The following GRIN2B variants were observed in gnomAD, a reference collection of about 807,000 sequenced individuals.
GRIN2B encodes the protein glutamate receptor ionotropic, NMDA 2B.
A neutral mutation model predicts 114.5 loss-of-function variants in GRIN2B; 5 were observed. The ratio of observed to expected loss-of-function variants is 0.04; its 90% CI spans 0.02 to 0.09. The LOEUF (loss-of-function observed/expected upper bound fraction) is 0.09. Ranked by LOEUF, GRIN2B falls within the 10% of genes least tolerant of loss-of-function variation. The probability of loss-of-function intolerance (pLI) is 1.00; values close to 1 mark genes in which losing one functional copy is unlikely to be tolerated. For missense variants in GRIN2B, 1,108 were observed against 1,943.5 expected, an observed-to-expected ratio of 0.57 and a Z score of 8.08; for synonymous variants, 787 against 745.1, an observed-to-expected ratio of 1.06 and a Z score of -0.92.
At chr12:13,968,128 C>G (rs980353282) in intron 2 of GRIN2B, among the ~76,000 whole-genome samples, 1 of 152,226 alleles carries the variant, frequency 6.6e-6, no homozygotes, top group African/African-American at 2.4e-5. Context: ...GTCACAATGT[C>G]TAGGTGCCAC....
intron 4 of GRIN2B, among the ~76,000 whole-genome samples, chr12:13,691,326 T>C (rs1022974881): frequency 6.6e-6 from 1 of 152,186 alleles, no homozygotes; most frequent in Non-Finnish European, 1.5e-5. Context: ...GAGTTGAGGA[T>C]AGTTCAGAAA....
intron 10 of GRIN2B, among the ~76,000 whole-genome samples, chr12:13,575,516 G>A (rs1035265670): frequency 2.0e-5 from 3 of 152,034 alleles, no homozygotes; most frequent in South Asian, 2.1e-4. Context: ...AAAATTAGCC[G>A]TGCGTGGTGG....
intron 10 of GRIN2B, among the ~76,000 whole-genome samples, chr12:13,596,944 C>T (rs1049183408): frequency 6.6e-6 from 1 of 152,198 alleles, no homozygotes. Flanking sequence ...GCCAATGCCT[C>T]TAGAAGCATG....
intron 4 of GRIN2B, among the ~76,000 whole-genome samples, chr12:13,724,754 C>T (rs1862949553): frequency 6.6e-6 from 1 of 152,026 alleles, no homozygotes; most frequent in Non-Finnish European, 1.5e-5. Context: ...TCCACATTCA[C>T]TCTCCTACTC....
chr12:13,565,001 T>C (rs1031639034), intron 13 of GRIN2B, among the ~76,000 whole-genome samples: 4 of 152,218 alleles, frequency 2.6e-5, no homozygotes, highest in African/African-American at 9.7e-5. Flanking sequence ...GAGGCCATGA[T>C]ATCAACCCAT....
chr12:13,791,278 C>T (rs929488307), intron 3 of GRIN2B, among the ~76,000 whole-genome samples: 5 of 151,684 alleles, frequency 3.3e-5, no homozygotes, highest in Admixed American at 1.3e-4. Flanking sequence ...GGTGAAACCC[C>T]GTCTCTACTA....
chr12:13,856,086 T>C (rs57230554), intron 3 of GRIN2B, among the ~76,000 whole-genome samples: 3,196 of 152,028 alleles, frequency 0.021, 112 homozygotes, highest in African/African-American at 0.073. Context: ...TCTGTGAAGG[T>C]GGGAGTCAGG....
At chr12:13,825,496 T>TTTTTTTTGTGTG (rs375940899) in intron 3 of GRIN2B, among the ~76,000 whole-genome samples, 49 of 122,968 alleles carry the variant, frequency 4.0e-4, no homozygotes, top group African/African-American at 1.5e-3. Flanking sequence ...TATATATATT[T>TTTTTTTTGTGTG]TGTGTGTGTG....
rs1359667804 is a variant in GRIN2B, at chr12:13,558,897, A to C, written c.*3886T>G. ...ATTGTCAGTGGAAATGCTGAGATTT[A>C]AGCATTGCCACTGAAAGGAGTTCAT... is the stretch of plus-strand genomic sequence containing the variant. On this transcript the variant is annotated 3_prime_UTR_variant, in exon 14 of 14. Transcript: ENST00000609686. 1 of 152,172 alleles carries C rather than the reference A, an allele frequency of 6.6e-6. No homozygotes were observed. The highest frequency in any genetic ancestry group is 1.5e-5 in the Non-Finnish European group (1 of 68,052). 9.4% of individuals were successfully genotyped at this position (152,172 alleles called of 1,614,324 possible).
intron 2 of GRIN2B, among the ~76,000 whole-genome samples, chr12:13,974,598 T>C (rs757166870): frequency 3.3e-5 from 5 of 152,166 alleles, no homozygotes; most frequent in African/African-American, 4.8e-5. Context: ...AAATCTCCTA[T>C]TTTTTCCTCA....
intron 4 of GRIN2B, among the ~76,000 whole-genome samples, chr12:13,710,825 C>T (rs1950407018): frequency 1.3e-5 from 2 of 152,072 alleles, no homozygotes; most frequent in African/African-American, 4.8e-5. Context: ...AGATTCAATG[C>T]CATCCCCATC....
In GRIN2B at chr12:13,903,515, C is replaced by T. The variant is rs1258688729; in HGVS notation, c.-18-37289G>A. Among the ~76,000 whole-genome samples the T allele has an allele frequency of 2.6e-5, 4 of 152,028 alleles. No individual in the cohort carries two copies. In the East Asian group the frequency reaches 5.8e-4, roughly 22 times the overall value. On this transcript the variant is annotated intron_variant, in intron 2 of 13. Transcript: ENST00000609686. ...ATTTATCCAAAACATATGAGATTTGCTAGTTGTCCTTTTGCTTTTTACTTA... is the reference window on the plus strand; with the variant it reads ...ATTTATCCAAAACATATGAGATTTGTTAGTTGTCCTTTTGCTTTTTACTTA...
intron 4 of GRIN2B, among the ~76,000 whole-genome samples, chr12:13,726,085 T>C (rs1331820757): frequency 2.0e-5 from 3 of 152,178 alleles, no homozygotes; most frequent in Admixed American, 2.0e-4. Context: ...CTTTCTTGAG[T>C]TTCCTGCTGA....
Position 13,550,697 on chromosome 12 carries a change from G to A in GRIN2B, c.*12086C>T, listed in dbSNP as rs1948399553. ...AAGCCTCTTTTCTGTAATCCAAGAT[G>A]TCCAGCTATGTACAGCAGGCCCCAT... On this transcript the variant is annotated 3_prime_UTR_variant, in exon 14 of 14. Coordinates refer to ENST00000609686, the MANE Select transcript of GRIN2B (RefSeq NM_000834.5). 6.6e-6 allele frequency: 1 copy of A among 152,108 alleles called. No individual in the cohort carries two copies. The highest frequency in any genetic ancestry group is 2.1e-4 in the South Asian group (1 of 4,824). 9.4% of individuals were successfully genotyped at this position (152,108 alleles called of 1,614,324 possible). A position where few individuals can be genotyped will look rare whatever the true frequency, so the allele number is the denominator to read the frequency against.
intron 3 of GRIN2B, among the ~76,000 whole-genome samples, chr12:13,848,128 C>T (rs1216617484): frequency 6.6e-6 from 1 of 152,180 alleles, no homozygotes; most frequent in African/African-American, 2.4e-5. Flanking sequence ...GAGAGGATCC[C>T]CACAAACGGT....
chr12:13,720,673 A>G (rs542970911), intron 4 of GRIN2B, among the ~76,000 whole-genome samples: 1 of 152,136 alleles, frequency 6.6e-6, no homozygotes, highest in East Asian at 1.9e-4. Context: ...TTGGTAAAGT[A>G]CTAAACAAAC....
intron 10 of GRIN2B, among the ~76,000 whole-genome samples, chr12:13,600,188 A>G (rs1949136958): frequency 6.6e-6 from 1 of 151,972 alleles, no homozygotes; most frequent in Non-Finnish European, 1.5e-5. Context: ...TTGGCTTCTG[A>G]TTACCTCCCT....
At chr12:13,611,879 G>C (rs776598266) in intron 8 of GRIN2B, 29 bp from the exon 9 acceptor site, 3 of 1,609,736 alleles carry the variant, frequency 1.9e-6, no homozygotes, top group East Asian at 4.5e-5. Context: ...CAGTGCTCAG[G>C]GTTAGAACAG....
At chr12:13,966,356 C>T in intron 2 of GRIN2B, among the ~76,000 whole-genome samples, 1 of 152,182 alleles carries the variant, frequency 6.6e-6, no homozygotes, top group Non-Finnish European at 1.5e-5. Context: ...TGAAAACCTT[C>T]CTTTTCTTTC....
Sources: gnomAD v4.1 joint callset for allele counts (sites outside exome capture counted in the v4.1 genomes callset) on GRCh38, gnomAD v4.1.1 for gene constraint, MANE v1.5 for transcripts, NCBI Gene and HGNC (gene_info 2026-07-23, HGNC 2026-07-21) for gene names.